RBMS2: variants seen among roughly 807,000 people sequenced by gnomAD.
RBMS2 encodes RNA binding motif single stranded interacting protein 2.
A neutral mutation model predicts 58.4 loss-of-function variants in RBMS2; 38 were observed. That is an observed-to-expected ratio of 0.65 (90% CI 0.50 to 0.85). The LOEUF is 0.85. RBMS2 is among the 40% of genes least tolerant of loss of function. The pLI is 0.00. For synonymous variants in RBMS2, 151 were observed against 180.7 expected, an observed-to-expected ratio of 0.84 and a Z score of 1.32; for missense variants, 367 against 503.7, an observed-to-expected ratio of 0.73 and a Z score of 2.60.
chr12:56,542,552 C>CT (rs1239883545), intron 1 of RBMS2, among the ~76,000 whole-genome samples: 1,224 of 100,986 alleles, frequency 0.012, 20 homozygotes, highest in African/African-American at 0.037. Context: ...TCTTGTTTTT[C>CT]TTTTTTTTTT....
chr12:56,594,724 G>C lies in RBMS2; in HGVS notation c.*5591G>C, dbSNP rs1885582722. On this transcript the variant is annotated 3_prime_UTR_variant, in exon 14 of 14. Coordinates refer to ENST00000262031, the MANE Select transcript of RBMS2 (RefSeq NM_002898.4). ...AGTCCCCACATGATTACAAAAGCCAGGTGCCCTCATCACCCGTTACCCCTG... is the reference window on the plus strand; with the variant it reads ...AGTCCCCACATGATTACAAAAGCCACGTGCCCTCATCACCCGTTACCCCTG... 1 of 152,098 alleles carries C rather than the reference G, an allele frequency of 6.6e-6. No homozygotes were observed. The highest frequency in any genetic ancestry group is 1.5e-5 in the Non-Finnish European group (1 of 68,030). The allele number at this position is 152,098 out of a possible 1,614,324, so 9.4% of individuals were successfully genotyped here.
intron 4 of RBMS2, among the ~76,000 whole-genome samples, chr12:56,570,609 G>T (rs1315191648): frequency 1.3e-5 from 2 of 152,006 alleles, no homozygotes; most frequent in Non-Finnish European, 2.9e-5. Context: ...ACAGCGTCTC[G>T]CTCTGTCGCC....
chr12:56,582,365 C>G (rs1462055114), intron 9 of RBMS2, among the ~76,000 whole-genome samples: 1 of 152,164 alleles, frequency 6.6e-6, no homozygotes, highest in African/African-American at 2.4e-5. Context: ...TCCACCACCT[C>G]CACAAGTAAA....
chr12:56,588,620 A>G (rs571190998), intron 12 of RBMS2: 1 of 512,666 alleles, frequency 2.0e-6, no homozygotes, highest in Non-Finnish European at 3.5e-6. Context: ...TTCCATATTT[A>G]AAAAAAAAAC....
chr12:56,530,419 G>A (rs1216813170), intron 1 of RBMS2, among the ~76,000 whole-genome samples: 1 of 133,726 alleles, frequency 7.5e-6, no homozygotes, highest in African/African-American at 3.0e-5. Context: ...GGAACACAGT[G>A]GTGCAATCAT....
chr12:56,565,447 T>A (rs1459794484), intron 2 of RBMS2, among the ~76,000 whole-genome samples: 1 of 152,110 alleles, frequency 6.6e-6, no homozygotes, highest in African/African-American at 2.4e-5. Flanking sequence ...GCTGGTTCAA[T>A]CCACAAGTGG....
rs1265385534 is a variant in RBMS2 at position 56,593,327 on chromosome 12, T to C, written c.*4194T>C. On this transcript the variant is annotated 3_prime_UTR_variant, in exon 14 of 14. Coordinates refer to ENST00000262031, the MANE Select transcript of RBMS2 (RefSeq NM_002898.4). ...TGTGCCACCATGCCTGGCTAATTTT[T>C]TTATTTTTAGTAGAGATGGGGTTTT... 1 of 152,006 alleles carries C rather than the reference T, an allele frequency of 6.6e-6. No homozygotes were observed. Among genetic ancestry groups the C allele is most frequent in the East Asian group, 1.9e-4 (1 of 5,156 alleles). The allele number at this position is 152,006 out of a possible 1,614,324, so 9.4% of individuals were successfully genotyped here.
intron 5 of RBMS2, 32 bp from the exon 6 acceptor site, chr12:56,581,152 A>G (rs1037850820): frequency 5.3e-6 from 8 of 1,513,604 alleles, no homozygotes; most frequent in Non-Finnish European, 7.3e-6. Context: ...ATCCTGGAGA[A>G]GCTAGAGCCT....
At chr12:56,584,733 C>T (rs1291405686) in intron 9 of RBMS2, among the ~76,000 whole-genome samples, 6 of 151,478 alleles carry the variant, frequency 4.0e-5, no homozygotes, top group South Asian at 4.2e-4. Context: ...TGCAGTAAGC[C>T]GAGATCGCGC....
chr12:56,562,849 G>A (rs1331437292), intron 2 of RBMS2, among the ~76,000 whole-genome samples: 1 of 152,190 alleles, frequency 6.6e-6, no homozygotes, highest in Admixed American at 6.5e-5. Flanking sequence ...CTGGCCGGGT[G>A]CGGTGGCTCA....
chr12:56,529,625 A>G (rs1873335125), intron 1 of RBMS2, among the ~76,000 whole-genome samples: 1 of 152,170 alleles, frequency 6.6e-6, no homozygotes, highest in Non-Finnish European at 1.5e-5. Flanking sequence ...AAAAAAAGAA[A>G]AAAGGATGGA....
intron 1 of RBMS2, among the ~76,000 whole-genome samples, chr12:56,557,414 C>G (rs1879428545): frequency 6.6e-6 from 1 of 152,038 alleles, no homozygotes; most frequent in Non-Finnish European, 1.5e-5. Context: ...CAAACCTATG[C>G]AGCAATTTCA....
In RBMS2 at chr12:56,591,977, G is replaced by T. The variant is rs1885335655; in HGVS notation, c.*2844G>T. On this transcript the variant is annotated 3_prime_UTR_variant, in exon 14 of 14. Transcript: ENST00000262031. ...AGGAATTTCTTTTTTGGTGCATTTG[G>T]TTTACACTCATTTCCTCTCCTAATT... The T allele has an allele frequency of 6.6e-6, 1 of 152,086 alleles. No homozygotes were observed. The highest frequency in any genetic ancestry group is 2.4e-5 in the African/African-American group (1 of 41,384). The allele number at this position is 152,086 out of a possible 1,614,324, so 9.4% of individuals were successfully genotyped here.
chr12:56,585,418 C>T (rs930890373), intron 9 of RBMS2, among the ~76,000 whole-genome samples: 1 of 152,012 alleles, frequency 6.6e-6, no homozygotes, highest in African/African-American at 2.4e-5. Context: ...ATGGATTTGC[C>T]TATTCTGGAT....
intron 7 of RBMS2, 77 bp from the exon 8 acceptor site, chr12:56,581,756 C>CA: frequency 1.3e-6 from 2 of 1,524,850 alleles, no homozygotes; most frequent in Non-Finnish European, 1.8e-6. Flanking sequence ...AAAACATTCC[C>CA]AGCCTTGGAC....
intron 1 of RBMS2, among the ~76,000 whole-genome samples, chr12:56,551,075 G>A (rs140505563): frequency 3.4e-5 from 5 of 147,528 alleles, no homozygotes; most frequent in Non-Finnish European, 5.9e-5. Context: ...CTATGATCGC[G>A]CACCACTGCA....
At chr12:56,567,732 G>A (rs1881605492) in intron 2 of RBMS2, among the ~76,000 whole-genome samples, 1 of 152,010 alleles carries the variant, frequency 6.6e-6, no homozygotes, top group Non-Finnish European at 1.5e-5. Flanking sequence ...TCAGGAGGCT[G>A]AGGCAGGAGA....
At chr12:56,588,574 C>A in intron 12 of RBMS2, 200 bp downstream of exon 12, 1 of 598,522 alleles carries the variant, frequency 1.7e-6, no homozygotes, top group Non-Finnish European at 2.9e-6. Context: ...AAGATTATGG[C>A]CCCTGTGCAA....
intron 1 of RBMS2, among the ~76,000 whole-genome samples, chr12:56,557,611 A>T (rs1013371272): frequency 6.6e-6 from 1 of 151,994 alleles, no homozygotes; most frequent in African/African-American, 2.4e-5. Flanking sequence ...TTTTCTAAGA[A>T]TTTTTTCAGG....
Sources: gnomAD v4.1 joint callset for allele counts (sites outside exome capture counted in the v4.1 genomes callset) on GRCh38, gnomAD v4.1.1 for gene constraint, MANE v1.5 for transcripts, NCBI Gene and HGNC (gene_info 2026-07-23, HGNC 2026-07-21) for gene names.